The following LYSMD1 variants were observed in gnomAD, a reference collection of about 807,000 sequenced individuals.
LYSMD1 encodes LysM domain containing 1.
LYSMD1 carries 9 observed loss-of-function variants against 19.3 expected under a neutral mutation model. The ratio of observed to expected loss-of-function variants is 0.47; its 90% CI spans 0.28 to 0.81. The LOEUF (loss-of-function observed/expected upper bound fraction) is 0.81, where lower values mean the gene tolerates loss of function less well. Ranked by LOEUF, LYSMD1 falls within the 40% of genes least tolerant of loss-of-function variation. The pLI, the probability that LYSMD1 is intolerant of heterozygous loss-of-function variation, is 0.11. For synonymous variants in LYSMD1, 111 were observed against 111.7 expected, an observed-to-expected ratio of 0.99 and a Z score of 0.04; for missense variants, 262 against 279.8, an observed-to-expected ratio of 0.94 and a Z score of 0.45.
chr1:151,165,891 C>T lies in LYSMD1; in HGVS notation c.-633G>A, dbSNP rs888805690. On this transcript the variant is annotated 5_prime_UTR_variant, in exon 1 of 3. Transcript: ENST00000368908. ...CCTGGATCCAGTTGAGCGGCAAGGT[C>T]TTTGAGAAAAGACTTCATTTCCCAA... 9.9e-7 allele frequency: 1 copy of T among 1,014,556 alleles called. No homozygotes were observed. Among genetic ancestry groups the T allele is most frequent in the Middle Eastern group, 2.1e-4 (1 of 4,732 alleles). 62.8% of individuals were successfully genotyped at this position (1,014,556 alleles called of 1,614,324 possible).
chr1:151,152,230 G>C, the LYSMD1 span, among the ~76,000 whole-genome samples: 1 of 147,068 alleles, frequency 6.8e-6, no homozygotes, highest in Non-Finnish European at 1.5e-5. Context: ...ACCCCGTGTC[G>C]ATTAAAAATA....
chr1:151,159,020 A>C (rs1225004116), downstream of LYSMD1: 1 of 1,614,230 alleles, frequency 6.2e-7, no homozygotes, highest in East Asian at 2.2e-5. Flanking sequence ...GGTGAGGTAG[A>C]CTTCACCTTC....
At chr1:151,158,206 C>T (rs748030171), downstream of LYSMD1, among the ~76,000 whole-genome samples, 1 of 151,822 alleles carries the variant, frequency 6.6e-6, no homozygotes, top group Non-Finnish European at 1.5e-5. Flanking sequence ...GCCTGTAATC[C>T]CAACTACTTG....
In LYSMD1 at chr1:151,165,205, C is replaced by A; in HGVS notation, c.54G>T (p.Gly18=). The stretch of plus-strand genomic sequence containing the variant: ...GGCTTCCATATGAACGAGCCCGGCT[C>A]CCTTGAAGCAGTCCTGACCCCCCTG... The part of the protein sequence containing the change: ...PPPGGSGLLQ[G]SRARSYGSLV... Residue 18 remains glycine, a synonymous_variant, in exon 1 of 3, where the codon GGG becomes GGT. Transcript: ENST00000368908. The A allele has an allele frequency of 6.2e-7, 1 of 1,614,170 alleles. No individual in the cohort carries two copies. The highest frequency in any genetic ancestry group is 1.3e-5 in the African/African-American group (1 of 75,038).
chr1:151,162,021 AG>A lies in LYSMD1; in HGVS notation c.259del (p.Leu87Ter), dbSNP rs1459107068. On this transcript the variant is annotated frameshift_variant, in exon 2 of 3. Coordinates refer to ENST00000368908, the MANE Select transcript of LYSMD1 (RefSeq NM_212551.5). LOFTEE classifies it high-confidence loss of function. Reference sequence around the variant, plus strand: ...ATTGAACAGGTCTCTGGGCTCTGTCAGGATGGGGATGTAGAGGGTTTTCTTC... The same window carrying A: ...ATTGAACAGGTCTCTGGGCTCTGTCAGATGGGGATGTAGAGGGTTTTCTTC... ...FLKKTLYIPILTEPRDLFNGL... is the reference protein window; with the variant it reads ...FLKKTLYIPIXTEPRDLFNGL... 1.2e-6 allele frequency: 2 copies of A among 1,613,722 alleles called. No homozygotes were observed. Among genetic ancestry groups the A allele is most frequent in the East Asian group, 4.5e-5 (2 of 44,878 alleles).
the LYSMD1 span, among the ~76,000 whole-genome samples, chr1:151,151,281 C>T: frequency 6.6e-6 from 1 of 151,932 alleles, no homozygotes; most frequent in Non-Finnish European, 1.5e-5. Context: ...GTTCCGCCTC[C>T]CGGGTTCACA....
chr1:151,158,047 G>A (rs1683284900), downstream of LYSMD1, among the ~76,000 whole-genome samples: 1 of 152,226 alleles, frequency 6.6e-6, no homozygotes, highest in South Asian at 2.1e-4. Flanking sequence ...CTGTCAGGCT[G>A]GGCGTGGTGG....
chr1:151,157,558 C>T (rs189732326), downstream of LYSMD1, among the ~76,000 whole-genome samples: 216 of 152,284 alleles, frequency 1.4e-3, 1 homozygote, highest in Middle Eastern at 0.01. Context: ...GAGGTGTTGG[C>T]TTCTCGTGCT....
chr1:151,165,028 G>A (rs1051858727), intron 1 of LYSMD1, 51 bp downstream of exon 1: 3 of 1,541,276 alleles, frequency 1.9e-6, no homozygotes, highest in African/African-American at 2.7e-5. Context: ...ATTCTTCTCA[G>A]GACTAAATCC....
At position 151,160,130 on chromosome 1, in the gene LYSMD1, G is replaced by A. The variant is rs930479881; in HGVS notation, c.*752C>T. 6.7e-6 allele frequency: 1 copy of A among 150,068 alleles called. No homozygotes were observed. The highest frequency in any genetic ancestry group is 2.5e-5 in the African/African-American group (1 of 40,560). 9.3% of individuals were successfully genotyped at this position (150,068 alleles called of 1,614,324 possible). ...GTCAGAAGGGTGAACTGGTAGAATGGAGAGTTCAGGTCCCTACAGTGCTGC... is the reference window on the plus strand; with the variant it reads ...GTCAGAAGGGTGAACTGGTAGAATGAAGAGTTCAGGTCCCTACAGTGCTGC... On this transcript the variant is annotated 3_prime_UTR_variant, in exon 3 of 3. Transcript: ENST00000368908.
chr1:151,151,030 A>AC, the LYSMD1 span, among the ~76,000 whole-genome samples: 1 of 151,176 alleles, frequency 6.6e-6, no homozygotes, highest in African/African-American at 2.4e-5. Context: ...GAGCCACCAC[A>AC]CCCAGCCTAA....
At chr1:151,149,531 C>A in the LYSMD1 span, among the ~76,000 whole-genome samples, 1 of 152,172 alleles carries the variant, frequency 6.6e-6, no homozygotes, top group Non-Finnish European at 1.5e-5. Context: ...GGGTGGATTG[C>A]CTGAGCTCAG....
chr1:151,149,738 G>T, the LYSMD1 span, among the ~76,000 whole-genome samples: 1 of 152,134 alleles, frequency 6.6e-6, no homozygotes, highest in Non-Finnish European at 1.5e-5. Flanking sequence ...GCAACAGAGC[G>T]AGACTCCATC....
intron 2 of LYSMD1, 119 bp from the exon 3 acceptor site, chr1:151,161,139 T>C (rs770923612): frequency 4.2e-5 from 43 of 1,013,770 alleles, no homozygotes; most frequent in South Asian, 7.4e-5. Context: ...TTCAAGACAG[T>C]CTCAGTACCC....
the LYSMD1 span, among the ~76,000 whole-genome samples, chr1:151,149,890 C>T: frequency 6.6e-6 from 1 of 152,210 alleles, no homozygotes. Context: ...GGAAAACCCT[C>T]ATCCGTCTTC....
chr1:151,158,452 G>T (rs1259813641), downstream of LYSMD1, among the ~76,000 whole-genome samples: 1 of 152,122 alleles, frequency 6.6e-6, no homozygotes, highest in African/African-American at 2.4e-5. Flanking sequence ...CTCCAGCCGG[G>T]GCTATCGCCA....
At chr1:151,152,689 G>C in the LYSMD1 span, among the ~76,000 whole-genome samples, 6 of 152,142 alleles carry the variant, frequency 3.9e-5, no homozygotes, top group South Asian at 1.2e-3. Context: ...GACAGTGTGA[G>C]ACTCGATCTC....
chr1:151,165,504 T>G lies in LYSMD1; in HGVS notation c.-246A>C. The G allele has an allele frequency of 7.0e-7, 1 of 1,434,708 alleles. No individual in the cohort carries two copies. Among genetic ancestry groups the G allele is most frequent in the Non-Finnish European group, 9.1e-7 (1 of 1,099,874 alleles). 88.9% of individuals were successfully genotyped at this position (1,434,708 alleles called of 1,614,324 possible). ...TCCCTAATTCTCCCCTAAGCACCCC[T>G]CCGACTTTGGACTCCCCCACAACTC... On this transcript the variant is annotated 5_prime_UTR_variant, in exon 1 of 3. Coordinates refer to ENST00000368908, the MANE Select transcript of LYSMD1 (RefSeq NM_212551.5).
In LYSMD1 at chr1:151,165,063, A is replaced by T; in HGVS notation, c.180+16T>A. The T allele has an allele frequency of 6.2e-7, 1 of 1,610,914 alleles. No homozygotes were observed. Among genetic ancestry groups the T allele is most frequent in the African/African-American group, 1.3e-5 (1 of 75,008 alleles). ...CCTCCTGACTGTTGTCTTCACCCCAATCCTGGAAAACTCACCGTCACCCCA... is the reference window on the plus strand; with the variant it reads ...CCTCCTGACTGTTGTCTTCACCCCATTCCTGGAAAACTCACCGTCACCCCA... On this transcript the variant is annotated intron_variant, in intron 1 of 2. Transcript: ENST00000368908.
Sources: allele counts gnomAD v4.1 joint callset (sites outside exome capture counted in the v4.1 genomes callset), GRCh38; gene constraint gnomAD v4.1.1; transcripts MANE v1.5; gene names NCBI Gene and HGNC (gene_info 2026-07-23, HGNC 2026-07-21).